The following BCL7A variants were observed in gnomAD, a reference collection of about 807,000 sequenced individuals.
The protein encoded by BCL7A is BAF chromatin remodeling complex subunit BCL7A.
A neutral mutation model predicts 28.4 loss-of-function variants in BCL7A; 11 were observed. The ratio of observed to expected loss-of-function variants is 0.39; its 90% CI spans 0.24 to 0.64. The LOEUF (loss-of-function observed/expected upper bound fraction) is 0.64, where lower values mean the gene tolerates loss of function less well. Ranked by LOEUF, BCL7A falls within the 30% of genes least tolerant of loss-of-function variation. The pLI, the probability that BCL7A is intolerant of heterozygous loss-of-function variation, is 0.50. For synonymous variants in BCL7A, 123 were observed against 103.3 expected (o/e 1.19, Z -1.15); for missense variants, 222 against 274.8 (o/e 0.81, Z 1.36).
chr12:122,028,347 G>A (rs1346870634), intron 1 of BCL7A, among the ~76,000 whole-genome samples: 2 of 152,076 alleles, frequency 1.3e-5, no homozygotes, highest in Non-Finnish European at 2.9e-5. Flanking sequence ...ATTTGCGGCC[G>A]CAAAGCCCAG....
chr12:122,040,369 C>T (rs1437843985), intron 3 of BCL7A, among the ~76,000 whole-genome samples: 2 of 151,876 alleles, frequency 1.3e-5, no homozygotes, highest in East Asian at 3.9e-4. Flanking sequence ...CCCATCTCTA[C>T]TAAAAATACA....
chr12:122,023,778 A>G (rs1593020139), intron 1 of BCL7A, among the ~76,000 whole-genome samples: 1 of 152,276 alleles, frequency 6.6e-6, no homozygotes, highest in Middle Eastern at 3.4e-3. Flanking sequence ...CTGGAAAACA[A>G]CCCGCAGCCC....
intron 3 of BCL7A, among the ~76,000 whole-genome samples, chr12:122,042,351 A>T (rs1158318973): frequency 1.3e-5 from 2 of 152,098 alleles, no homozygotes; most frequent in African/African-American, 2.4e-5. Context: ...TATAATTCAC[A>T]TATAAAAAAT....
intron 1 of BCL7A, among the ~76,000 whole-genome samples, chr12:122,024,188 C>A: frequency 6.6e-6 from 1 of 152,366 alleles, no homozygotes; most frequent in South Asian, 2.1e-4. Context: ...TTTGGGGAAA[C>A]AACACATCGT....
intron 1 of BCL7A, among the ~76,000 whole-genome samples, chr12:122,022,783 C>T (rs1172937558): frequency 1.3e-5 from 2 of 151,604 alleles, no homozygotes; most frequent in Admixed American, 6.6e-5. Flanking sequence ...TTAAATTTAG[C>T]GCTTTGGGCT....
At chr12:122,053,555 T>A (rs959388132) in intron 4 of BCL7A, among the ~76,000 whole-genome samples, 3 of 152,164 alleles carry the variant, frequency 2.0e-5, no homozygotes, top group Non-Finnish European at 4.4e-5. Flanking sequence ...GTGTGTGCTT[T>A]TTAACATCAG....
At chr12:122,022,658 C>T in intron 1 of BCL7A, among the ~76,000 whole-genome samples, 1 of 146,058 alleles carries the variant, frequency 6.8e-6, no homozygotes, top group South Asian at 2.1e-4. Context: ...CTCCTCCCCG[C>T]GCACCCCGGC....
chr12:122,036,975 A>G (rs1883869943), intron 3 of BCL7A, among the ~76,000 whole-genome samples: 1 of 152,100 alleles, frequency 6.6e-6, no homozygotes, highest in Non-Finnish European at 1.5e-5. Flanking sequence ...AAGTGCTAGG[A>G]TTTACAGGTG....
In BCL7A at chr12:122,043,733, C is replaced by G. The variant is rs562966293; in HGVS notation, c.272-153C>G. 3.0e-4 allele frequency among the ~76,000 whole-genome samples: 41 copies of G among 138,580 alleles called. No individual in the cohort carries two copies. The South Asian group carries it at 9.4e-3, about 32-fold the overall frequency. The allele number at this position is 138,580 out of a possible 152,430, so 90.9% of individuals were successfully genotyped here. On this transcript the variant is annotated intron_variant, in intron 3 of 5. Transcript: ENST00000261822. ...GCCTGGTTGACAGAGCGAGATCCGT[C>G]TCAAAAAAAAAAAAAACGGTAACCA...
At chr12:122,055,833 G>A (rs1479368290) in intron 5 of BCL7A, among the ~76,000 whole-genome samples, 2 of 152,162 alleles carry the variant, frequency 1.3e-5, no homozygotes, top group African/African-American at 4.8e-5. Context: ...GGCCAGGCTG[G>A]TCTCAAATTC....
rs143182785 is a variant in BCL7A at position 122,043,699 on chromosome 12, G to A, written c.272-187G>A. On this transcript the variant is annotated intron_variant, in intron 3 of 5. Coordinates refer to ENST00000261822, the MANE Select transcript of BCL7A (RefSeq NM_001024808.3). ...AGGCAGTGAGCCAAGATTGCACCAC[G>A]GTCCTCCAGCCTGGTTGACAGAGCG... Among the ~76,000 whole-genome samples, 266 of 151,188 alleles carry A rather than the reference G, an allele frequency of 1.8e-3. 3 individuals carry two copies. The highest frequency in any genetic ancestry group is 6.1e-3 in the African/African-American group (249 of 41,106).
intron 5 of BCL7A, among the ~76,000 whole-genome samples, chr12:122,055,728 C>G (rs976191568): frequency 6.6e-6 from 1 of 152,188 alleles, no homozygotes; most frequent in Non-Finnish European, 1.5e-5. Flanking sequence ...AAGCAATTCT[C>G]CTGCCTCAGC....
Position 122,042,482 on chromosome 12 carries a change from C to T in BCL7A, c.272-1404C>T, listed in dbSNP as rs542980967. 3.1e-4 allele frequency among the ~76,000 whole-genome samples: 47 copies of T among 151,942 alleles called. 1 individual carries two copies. In the South Asian group the frequency reaches 7.7e-3, roughly 25 times the overall value. The stretch of plus-strand genomic sequence containing the variant: ...CCAGGCTGGCCAACATGGAGAAACC[C>T]GTCTCTACTAAAAAATACAAAACTC... On this transcript the variant is annotated intron_variant, in intron 3 of 5. Transcript: ENST00000261822.
chr12:122,023,925 C>A (rs574782187), intron 1 of BCL7A, among the ~76,000 whole-genome samples: 1 of 152,308 alleles, frequency 6.6e-6, no homozygotes, highest in African/African-American at 2.4e-5. Flanking sequence ...AGCCGGCAAG[C>A]CGCCTTTCTC....
intron 3 of BCL7A, 73 bp from the exon 4 acceptor site, chr12:122,043,813 C>A: frequency 6.8e-7 from 1 of 1,471,172 alleles, no homozygotes; most frequent in Non-Finnish European, 9.1e-7. Context: ...CACAGGGATG[C>A]TGAGCCCTCT....
chr12:122,044,057 T>C lies in BCL7A; in HGVS notation c.439+4T>C, dbSNP rs369731262. 18 of 1,610,958 alleles carry C rather than the reference T, an allele frequency of 1.1e-5. No individual in the cohort carries two copies. The highest frequency in any genetic ancestry group is 1.7e-5 in the Admixed American group (1 of 59,718). On this transcript the variant is annotated splice_donor_region_variant and intron_variant, in intron 4 of 5. Transcript: ENST00000261822. ...AAGGAGCACCCAGGAGCTGAAGGTATGTGGCCTCTGGAGGTGGGGCTCTGA... is the reference window on the plus strand; with the variant it reads ...AAGGAGCACCCAGGAGCTGAAGGTACGTGGCCTCTGGAGGTGGGGCTCTGA...
intron 1 of BCL7A, among the ~76,000 whole-genome samples, chr12:122,024,033 C>T (rs1463404475): frequency 1.3e-5 from 2 of 152,226 alleles, no homozygotes; most frequent in African/African-American, 4.8e-5. Context: ...GCCAGCTGCT[C>T]TGCAGGGAGG....
At chr12:122,023,917 C>G (rs1883543705) in intron 1 of BCL7A, among the ~76,000 whole-genome samples, 1 of 152,206 alleles carries the variant, frequency 6.6e-6, no homozygotes, top group African/African-American at 2.4e-5. Flanking sequence ...TGGGAAACAG[C>G]CGGCAAGCCG....
At chr12:122,041,912 A>G (rs979672036) in intron 3 of BCL7A, among the ~76,000 whole-genome samples, 1 of 152,180 alleles carries the variant, frequency 6.6e-6, no homozygotes, top group African/African-American at 2.4e-5. Context: ...CTACTAAAAA[A>G]TAATAAAAAC....
Sources: gnomAD v4.1 joint callset for allele counts (sites outside exome capture counted in the v4.1 genomes callset) on GRCh38, gnomAD v4.1.1 for gene constraint, MANE v1.5 for transcripts, NCBI Gene and HGNC (gene_info 2026-07-23, HGNC 2026-07-21) for gene names.